The following NAV3 variants were observed in gnomAD, a reference collection of about 807,000 sequenced individuals.
NAV3 encodes the protein neuron navigator 3.
A neutral mutation model predicts 244.7 loss-of-function variants in NAV3; 87 were observed. That is an observed-to-expected ratio of 0.36 (90% confidence interval 0.30 to 0.42). NAV3 has a LOEUF of 0.42. Ranked by LOEUF, NAV3 falls within the 20% of genes least tolerant of loss-of-function variation. The pLI is 1.00. For missense variants in NAV3, 2,663 were observed against 2,893.3 expected, an observed-to-expected ratio of 0.92 and a Z score of 1.83; for synonymous variants, 1,126 against 1,042.2, an observed-to-expected ratio of 1.08 and a Z score of -1.55.
At chr12:77,919,530 T>A (rs1047544234) in intron 1 of NAV3, among the ~76,000 whole-genome samples, 1 of 152,068 alleles carries the variant, frequency 6.6e-6, no homozygotes, top group African/African-American at 2.4e-5. Context: ...TTTTCTTTGG[T>A]ATTTATCTAC....
At chr12:78,120,095 T>G in intron 15 of NAV3, 150 bp downstream of exon 15, 6 of 424,182 alleles carry the variant, frequency 1.4e-5, no homozygotes, top group East Asian at 4.6e-5. Context: ...CAGTGAGCTC[T>G]ATGAAGCTTA....
intron 18 of NAV3, among the ~76,000 whole-genome samples, chr12:78,131,713 G>A (rs1457197281): frequency 3.9e-5 from 6 of 152,026 alleles, no homozygotes. Flanking sequence ...TGGTGAAGTC[G>A]TTTAAACTTA....
At chr12:78,192,083 T>A (rs1338774217) in intron 34 of NAV3, among the ~76,000 whole-genome samples, 2 of 152,140 alleles carry the variant, frequency 1.3e-5, no homozygotes, top group Non-Finnish European at 2.9e-5. Context: ...CCCTAAAAAA[T>A]ATCTATCTGT....
At chr12:77,741,146 G>GAAA (rs1393220189) in intron 2 of NAV3, among the ~76,000 whole-genome samples, 2 of 7,370 alleles carry the variant, frequency 2.7e-4, no homozygotes, top group East Asian at 5.0e-3. Flanking sequence ...AAAAAAAAAA[G>GAAA]ACAAAAAAAA....
intron 4 of NAV3, among the ~76,000 whole-genome samples, chr12:77,967,539 T>C (rs2137969403): frequency 6.6e-6 from 1 of 152,270 alleles, no homozygotes; most frequent in Non-Finnish European, 1.5e-5. Context: ...AGTTGGTTAA[T>C]TTTCCTAAAC....
At chr12:77,824,894 A>AACAAC (rs1565828310) in intron 2 of NAV3, among the ~76,000 whole-genome samples, 8 of 150,368 alleles carry the variant, frequency 5.3e-5, no homozygotes, top group African/African-American at 2.0e-4. Context: ...TCCGTCTCAA[A>AACAAC]AACAACAACA....
chr12:77,857,459 A>T (rs888870636), intron 1 of NAV3, among the ~76,000 whole-genome samples: 5 of 151,990 alleles, frequency 3.3e-5, no homozygotes, highest in Admixed American at 1.3e-4. Context: ...AAAAAATCTC[A>T]TTAACTTAGG....
chr12:78,048,378 G>T (rs1882195797), intron 9 of NAV3, among the ~76,000 whole-genome samples: 1 of 152,138 alleles, frequency 6.6e-6, no homozygotes, highest in Non-Finnish European at 1.5e-5. Flanking sequence ...TCTGATGTTT[G>T]TGACCTTCAA....
chr12:77,696,204 G>C (rs2137181426), intron 2 of NAV3, among the ~76,000 whole-genome samples: 1 of 152,248 alleles, frequency 6.6e-6, no homozygotes, highest in Non-Finnish European at 1.5e-5. Context: ...TTGAGTGTAT[G>C]CTGTCCTAGT....
intron 9 of NAV3, among the ~76,000 whole-genome samples, chr12:78,039,789 T>G (rs1382662123): frequency 6.6e-6 from 1 of 151,994 alleles, no homozygotes; most frequent in East Asian, 1.9e-4. Context: ...TTTTCTCTAC[T>G]AAGAACACCT....
chr12:78,131,462 G>A (rs373896470), intron 18 of NAV3, among the ~76,000 whole-genome samples: 1 of 152,122 alleles, frequency 6.6e-6, no homozygotes, highest in South Asian at 2.1e-4. Flanking sequence ...AATTTAAAAT[G>A]TTTGTGTAGG....
intron 12 of NAV3, among the ~76,000 whole-genome samples, chr12:78,093,833 CT>C (rs1340403513): frequency 6.6e-6 from 1 of 151,832 alleles, no homozygotes; most frequent in Non-Finnish European, 1.5e-5. Flanking sequence ...ATTTTATTTA[CT>C]TTTTTTTCTT....
At chr12:77,877,158 G>A (rs1364328313) in intron 1 of NAV3, among the ~76,000 whole-genome samples, 3 of 151,906 alleles carry the variant, frequency 2.0e-5, no homozygotes, top group African/African-American at 4.8e-5. Flanking sequence ...AAATACATTA[G>A]GCTGTAAAAA....
intron 2 of NAV3, among the ~76,000 whole-genome samples, chr12:77,585,670 A>G (rs938467551): frequency 6.6e-6 from 1 of 152,050 alleles, no homozygotes; most frequent in Admixed American, 6.6e-5. Flanking sequence ...AGAACCTAAC[A>G]CCTTGGCTGA....
rs562363691 is a variant in NAV3, at chr12:77,851,123, C to T, written c.243+19419C>T. On this transcript the variant is annotated intron_variant, in intron 1 of 39. Coordinates refer to ENST00000397909, the MANE Select transcript of NAV3 (RefSeq NM_001024383.2). ...GCAAGGAGCACCCCTGCATTCTGAT[C>T]CCCCCAGCTATCAAATGAGAAGTGG... is the stretch of plus-strand genomic sequence containing the variant. 2.6e-5 allele frequency among the ~76,000 whole-genome samples: 4 copies of T among 152,260 alleles called. No individual in the cohort carries two copies. In the South Asian group the frequency reaches 6.2e-4, roughly 24 times the overall value.
At chr12:77,987,260 G>C (rs954349283) in intron 5 of NAV3, among the ~76,000 whole-genome samples, 10 of 152,094 alleles carry the variant, frequency 6.6e-5, no homozygotes, top group African/African-American at 2.4e-4. Context: ...CAGACAATAT[G>C]GTACAAGAGA....
At chr12:78,129,160 A>G (rs990593208) in intron 18 of NAV3, among the ~76,000 whole-genome samples, 4 of 152,160 alleles carry the variant, frequency 2.6e-5, no homozygotes, top group African/African-American at 9.7e-5. Context: ...TACCATTACT[A>G]AGGGTTCAAG....
At chr12:77,880,985 C>T (rs1356390942) in intron 1 of NAV3, among the ~76,000 whole-genome samples, 1 of 152,082 alleles carries the variant, frequency 6.6e-6, no homozygotes, top group African/African-American at 2.4e-5. Flanking sequence ...TGAGGTCTTG[C>T]TATTGCTACA....
intron 12 of NAV3, among the ~76,000 whole-genome samples, chr12:78,095,963 C>A (rs969194308): frequency 3.3e-5 from 5 of 152,150 alleles, no homozygotes; most frequent in Non-Finnish European, 7.3e-5. Context: ...TGGAAGTAAC[C>A]TATATGGTAT....
Sources: gnomAD v4.1 joint callset for allele counts (sites outside exome capture counted in the v4.1 genomes callset) on GRCh38, gnomAD v4.1.1 for gene constraint, MANE v1.5 for transcripts, NCBI Gene and HGNC (gene_info 2026-07-23, HGNC 2026-07-21) for gene names.